ATF4: variants seen among roughly 807,000 people sequenced by gnomAD.
The protein encoded by ATF4 is activating transcription factor 4, also known as cyclic AMP-dependent transcription factor ATF-4.
In ATF4, 8 loss-of-function variants were observed where a neutral mutation model predicts 21.0. The observed-to-expected ratio is 0.38, with a 90% CI of 0.22 to 0.69. ATF4 has a LOEUF of 0.69. Among genes scored for constraint, ATF4 ranks in the 30% least tolerant of loss-of-function variants. The pLI is 0.49. For missense variants in ATF4, 549 were observed against 425.9 expected, an observed-to-expected ratio of 1.29 and a Z score of -2.54; for synonymous variants, 241 against 166.4, an observed-to-expected ratio of 1.45 and a Z score of -3.45.
rs1242249219 is a variant in ATF4, at chr22:39,522,416, A to G, written c.870A>G (p.Thr290=). 3 of 1,613,346 alleles carry G rather than the reference A, an allele frequency of 1.9e-6. No individual in the cohort carries two copies. Among genetic ancestry groups the G allele is most frequent in the Non-Finnish European group, 2.5e-6 (3 of 1,179,682 alleles). Residue 290 remains threonine (T), a synonymous_variant, in exon 3 of 3, where the codon ACA becomes ACG. Transcript: ENST00000674920. ...KKLKKMEQNK[T]AATRYRQKKR... ...TGAAAAAAATGGAGCAAAACAAGAC[A>G]GCAGCCACTAGGTACCGCCAGAAGA...
Position 39,521,791 on chromosome 22 carries a change from C to T in ATF4, c.245C>T (p.Thr82Ile). 1 of 1,614,014 alleles carries T rather than the reference C, an allele frequency of 6.2e-7. No homozygotes were observed. The highest frequency in any genetic ancestry group is 8.5e-7 in the Non-Finnish European group (1 of 1,179,908). ...TTTGCAGAGGATGCCTTCTCCGGGA[C>T]AGATTGGATGTTGGAGAAAATGGAT... ...NNSKEDAFSG[T>I]DWMLEKMDLK... The change falls in exon 3 of 3, where the codon ACA becomes ATA. Residue 82 changes from threonine to isoleucine, a missense_variant. Thr to Ile is a moderately conservative substitution (Grantham distance 89). Transcript: ENST00000674920.
In ATF4 at chr22:39,520,665, G is replaced by C. The variant is rs1329511988; in HGVS notation, c.-179G>C. On this transcript the variant is annotated 5_prime_UTR_variant, in exon 1 of 3. Transcript: ENST00000674920. ...CGGCCACCATGGCGTATTAGGGGCA[G>C]CAGTGCCTGCGGCAGCATTGGCCTT... is the stretch of plus-strand genomic sequence containing the variant. 6.5e-6 allele frequency: 1 copy of C among 153,290 alleles called. No homozygotes were observed. The highest frequency in any genetic ancestry group is 1.5e-5 in the Non-Finnish European group (1 of 68,406). 9.5% of individuals were successfully genotyped at this position (153,290 alleles called of 1,614,324 possible). A position where few individuals can be genotyped will look rare whatever the true frequency, so the allele number is the denominator to read the frequency against.
rs1240837629 is a variant in ATF4, at chr22:39,522,266, C to T, written c.720C>T (p.Gly240=). ...GSPQHSPSTR[G]SPNRSLPSPG... ...CTCAGCACAGCCCCTCTACCAGGGG[C>T]TCTCCAAATAGGAGCCTCCCATCTC... The change falls in exon 3 of 3, where the codon GGC becomes GGT. Residue 240 remains glycine (G), a synonymous_variant. Transcript: ENST00000674920. The T allele has an allele frequency of 6.2e-7, 1 of 1,607,106 alleles. No homozygotes were observed. The highest frequency in any genetic ancestry group is 8.5e-7 in the Non-Finnish European group (1 of 1,177,050).
At position 39,522,559 on chromosome 22, in the gene ATF4, TAGAAG is replaced by T. The variant is rs1490422768; in HGVS notation, c.1016_1020del (p.Glu339GlyfsTer25). The T allele has an allele frequency of 6.4e-7, 1 of 1,571,180 alleles. No homozygotes were observed. Among genetic ancestry groups the T allele is most frequent in the Non-Finnish European group, 8.6e-7 (1 of 1,163,036 alleles). On this transcript the variant is annotated frameshift_variant, in exon 3 of 3. Coordinates refer to ENST00000674920, the MANE Select transcript of ATF4 (RefSeq NM_182810.3). LOFTEE classifies it high-confidence loss of function. ...GAGATCCAGTACCTGAAAGATTTGATAGAAGAGGTCCGCAAGGCAAGGGGGAAGAA... is the reference window on the plus strand; with the variant it reads ...GAGATCCAGTACCTGAAAGATTTGATAGGTCCGCAAGGCAAGGGGGAAGAA...
At chr22:39,521,232 C>T (rs972646909) in intron 1 of ATF4, 122 bp from the exon 2 acceptor site, 18 of 425,334 alleles carry the variant, frequency 4.2e-5, no homozygotes, top group Non-Finnish European at 6.7e-5. Flanking sequence ...GGGGCAAATA[C>T]AACTGCCCTG....
Position 39,522,592 on chromosome 22 carries a change from G to C in ATF4, c.1046G>C (p.Arg349Thr), listed in dbSNP as rs1393945230. 6.5e-7 allele frequency: 1 copy of C among 1,535,100 alleles called. No individual in the cohort carries two copies. The highest frequency in any genetic ancestry group is 8.7e-7 in the Non-Finnish European group (1 of 1,146,416). Residue 349 changes from arginine to threonine, a missense_variant, in exon 3 of 3, where the codon AGG (arginine) becomes ACG (threonine). By Grantham distance (71) the Arg-to-Thr change is moderately conservative. Coordinates refer to ENST00000674920, the MANE Select transcript of ATF4 (RefSeq NM_182810.3). ...GTCCGCAAGGCAAGGGGGAAGAAAA[G>C]GGTCCCCTAGTTGAGGATAGTCAGG... ...EEVRKARGKKRVP is the reference protein window; with the variant it reads ...EEVRKARGKKTVP
chr22:39,521,616 C>G lies in ATF4; in HGVS notation c.171C>G (p.Gly57=), dbSNP rs1263388024. Reference sequence around the variant, plus strand: ...TCTCCAGCGACAAGGCTAAGGCGGGCTCCTCCGAATGGCTGGCTGTGGATG... The same window carrying G: ...TCTCCAGCGACAAGGCTAAGGCGGGGTCCTCCGAATGGCTGGCTGTGGATG... ...HGFSSDKAKA[G]SSEWLAVDGL... Residue 57 remains glycine, a synonymous_variant, in exon 2 of 3, where the codon GGC becomes GGG. Coordinates refer to ENST00000674920, the MANE Select transcript of ATF4 (RefSeq NM_182810.3). 1.2e-6 allele frequency: 2 copies of G among 1,614,164 alleles called. No homozygotes were observed. The highest frequency in any genetic ancestry group is 2.2e-5 in the East Asian group (1 of 44,878).
rs1412339758 is a variant in ATF4 at position 39,522,288 on chromosome 22, T to C, written c.742T>C (p.Ser248Pro). The change falls in exon 3 of 3, where the codon TCT becomes CCT. Residue 248 changes from serine to proline, a missense_variant. Transcript: ENST00000674920. ...GGGCTCTCCAAATAGGAGCCTCCCA[T>C]CTCCAGGTGTTCTCTGTGGGTCTGC... ...TRGSPNRSLPSPGVLCGSARP... is the reference protein window; with the variant it reads ...TRGSPNRSLPPPGVLCGSARP... 6 of 1,608,350 alleles carry C rather than the reference T, an allele frequency of 3.7e-6. No individual in the cohort carries two copies. Among genetic ancestry groups the C allele is most frequent in the Non-Finnish European group, 5.1e-6 (6 of 1,177,812 alleles).
chr22:39,521,664 C>T lies in ATF4; in HGVS notation c.219C>T (p.Asn73=). 1 of 1,613,722 alleles carries T rather than the reference C, an allele frequency of 6.2e-7. No homozygotes were observed. Among genetic ancestry groups the T allele is most frequent in the Admixed American group, 1.7e-5 (1 of 59,986 alleles). Residue 73 remains asparagine (N), a synonymous_variant, in exon 2 of 3, where the codon AAC becomes AAT. Transcript: ENST00000674920. ...AVDGLVSPSN[N]SKEDAFSGTD... ...ATGGGTTGGTCAGTCCCTCCAACAA[C>T]AGCAAGGGTGAGTGGGCCACCACCA...
At position 39,522,620 on chromosome 22, in the gene ATF4, C is replaced by A; in HGVS notation, c.*18C>A. ...TCCCCTAGTTGAGGATAGTCAGGAGCGTCAATGTGCTTGTACATAGAGTGC... is the reference window on the plus strand; with the variant it reads ...TCCCCTAGTTGAGGATAGTCAGGAGAGTCAATGTGCTTGTACATAGAGTGC... On this transcript the variant is annotated 3_prime_UTR_variant, in exon 3 of 3. Transcript: ENST00000674920. The A allele has an allele frequency of 1.3e-6, 2 of 1,514,992 alleles. No homozygotes were observed. Among genetic ancestry groups the A allele is most frequent in the South Asian group, 1.4e-5 (1 of 73,966 alleles). The allele number at this position is 1,514,992 out of a possible 1,614,324, so 93.8% of individuals were successfully genotyped here. A position where few individuals can be genotyped will look rare whatever the true frequency, so the allele number is the denominator to read the frequency against.
rs1170097832 is a variant in ATF4, at chr22:39,520,742, A to C, written c.-102A>C. The C allele has an allele frequency of 1.3e-5, 2 of 153,850 alleles. No homozygotes were observed. The highest frequency in any genetic ancestry group is 2.9e-5 in the Non-Finnish European group (2 of 68,838). The allele number at this position is 153,850 out of a possible 1,614,324, so 9.5% of individuals were successfully genotyped here. On this transcript the variant is annotated 5_prime_UTR_variant, in exon 1 of 3. Transcript: ENST00000674920. The stretch of plus-strand genomic sequence containing the variant: ...CTGCAGCGGCAACCCCCAGCGGCTT[A>C]AGCCATGGCGTGAGTACCGGGGCGG...
At position 39,521,354 on chromosome 22, in the gene ATF4, G is replaced by C; in HGVS notation, c.-92G>C. 1 of 1,112,216 alleles carries C rather than the reference G, an allele frequency of 9.0e-7. No homozygotes were observed. The highest frequency in any genetic ancestry group is 1.3e-6 in the Non-Finnish European group (1 of 771,960). 68.9% of individuals were successfully genotyped at this position (1,112,216 alleles called of 1,614,324 possible). A position where few individuals can be genotyped will look rare whatever the true frequency, so the allele number is the denominator to read the frequency against. On this transcript the variant is annotated splice_region_variant and 5_prime_UTR_variant, in exon 2 of 3. Transcript: ENST00000674920. ...GAGTTGGCTTCTGATTCTCATTCAG[G>C]CTTCTCACGGCATTCAGCAGCAGCG...
intron 2 of ATF4, 25 bp downstream of exon 2, chr22:39,521,696 C>T: frequency 6.2e-7 from 1 of 1,611,012 alleles, no homozygotes; most frequent in Non-Finnish European, 8.5e-7. Flanking sequence ...ACCACATCGT[C>T]CTGGTGGGAT....
chr22:39,522,596 C>A lies in ATF4; in HGVS notation c.1050C>A (p.Val350=). 3.3e-6 allele frequency: 5 copies of A among 1,533,652 alleles called. No homozygotes were observed. The highest frequency in any genetic ancestry group is 2.2e-5 in the Admixed American group (1 of 45,062). The part of the protein sequence containing the change: ...EVRKARGKKR[V]P Reference sequence around the variant, plus strand: ...GCAAGGCAAGGGGGAAGAAAAGGGTCCCCTAGTTGAGGATAGTCAGGAGCG... The same window carrying A: ...GCAAGGCAAGGGGGAAGAAAAGGGTACCCTAGTTGAGGATAGTCAGGAGCG... The change falls in exon 3 of 3, where the codon GTC becomes GTA. Residue 350 remains valine, a synonymous_variant. Coordinates refer to ENST00000674920, the MANE Select transcript of ATF4 (RefSeq NM_182810.3).
chr22:39,521,118 G>T, intron 1 of ATF4: 1 of 180,212 alleles, frequency 5.5e-6, no homozygotes, highest in Middle Eastern at 2.3e-3. Flanking sequence ...CGCCCTGGCC[G>T]TATTTGGACG....
In ATF4 at chr22:39,522,111, A is replaced by T. The variant is rs141643322; in HGVS notation, c.565A>T (p.Thr189Ser). The T allele has an allele frequency of 6.2e-7, 1 of 1,613,878 alleles. No individual in the cohort carries two copies. Among genetic ancestry groups the T allele is most frequent in the East Asian group, 2.2e-5 (1 of 44,880 alleles). ...SLELGSEVDITEGDRKPDYTA... is the reference protein window; with the variant it reads ...SLELGSEVDISEGDRKPDYTA... ...AGAGCTGGGCAGTGAAGTGGATATC[A>T]CTGAAGGAGATAGGAAGCCAGACTA... The change falls in exon 3 of 3, where the codon ACT (threonine) becomes TCT (serine). Residue 189 changes from threonine to serine, a missense_variant. Coordinates refer to ENST00000674920, the MANE Select transcript of ATF4 (RefSeq NM_182810.3).
In ATF4 at chr22:39,521,622, C is replaced by G. The variant is rs536034941; in HGVS notation, c.177C>G (p.Ser59=). The change falls in exon 2 of 3, where the codon TCC becomes TCG. Residue 59 remains serine (S), a synonymous_variant. Coordinates refer to ENST00000674920, the MANE Select transcript of ATF4 (RefSeq NM_182810.3). ...FSSDKAKAGS[S]EWLAVDGLVS... ...GCGACAAGGCTAAGGCGGGCTCCTC[C>G]GAATGGCTGGCTGTGGATGGGTTGG... is the stretch of plus-strand genomic sequence containing the variant. 2.5e-6 allele frequency: 4 copies of G among 1,614,168 alleles called. No individual in the cohort carries two copies. The South Asian group carries it at 4.4e-5, about 18-fold the overall frequency.
Position 39,522,142 on chromosome 22 carries a change from CT to C in ATF4, c.598del (p.Tyr200ThrfsTer4), listed in dbSNP as rs763178109. The C allele has an allele frequency of 6.2e-7, 1 of 1,613,622 alleles. No homozygotes were observed. The highest frequency in any genetic ancestry group is 8.5e-7 in the Non-Finnish European group (1 of 1,179,760). On this transcript the variant is annotated frameshift_variant, in exon 3 of 3. Transcript: ENST00000674920. LOFTEE classifies it high-confidence loss of function. Reference protein sequence around the residue: ...TEGDRKPDYTAYVAMIPQCIK... With the variant: ...TEGDRKPDYTXYVAMIPQCIK... ...GGAGATAGGAAGCCAGACTACACTG[CT>C]TACGTTGCCATGATCCCTCAGTGCA...
rs748841276 is a variant in ATF4 at position 39,522,506 on chromosome 22, A to C, written c.960A>C (p.Leu320=). The change falls in exon 3 of 3, where the codon CTA becomes CTC. Residue 320 remains leucine, a synonymous_variant. Transcript: ENST00000674920. ...CKELEKKNEA[L]KERADSLAKE... is the part of the protein sequence containing the mutation. ...AGCTGGAAAAGAAGAACGAGGCTCTAAAAGAGAGGGCGGATTCCCTGGCCA... is the reference window on the plus strand; with the variant it reads ...AGCTGGAAAAGAAGAACGAGGCTCTCAAAGAGAGGGCGGATTCCCTGGCCA... 42 of 1,611,918 alleles carry C rather than the reference A, an allele frequency of 2.6e-5. No individual in the cohort carries two copies. Among genetic ancestry groups the C allele is most frequent in the Non-Finnish European group, 3.6e-5 (42 of 1,179,150 alleles).
Sources: gnomAD v4.1 joint callset for allele counts on GRCh38, gnomAD v4.1.1 for gene constraint, MANE v1.5 for transcripts, NCBI Gene and HGNC (gene_info 2026-07-23, HGNC 2026-07-21) for gene names.